The following USP31 variants were observed in gnomAD, a reference collection of about 807,000 sequenced individuals.
USP31 encodes ubiquitin specific peptidase 31, also known as ubiquitin carboxyl-terminal hydrolase 31.
A neutral mutation model predicts 119.4 loss-of-function variants in USP31; 44 were observed. The ratio of observed to expected loss-of-function variants is 0.37; its 90% confidence interval spans 0.29 to 0.47. USP31 has a LOEUF of 0.47. USP31 is among the 20% of genes least tolerant of loss of function. USP31 has a pLI of 0.99. For missense variants in USP31, 1,643 were observed against 1,730.2 expected, an observed-to-expected ratio of 0.95 and a Z score of 0.89; for synonymous variants, 749 against 705.6, an observed-to-expected ratio of 1.06 and a Z score of -0.97.
Position 23,069,414 on chromosome 16 carries a change from C to T in USP31, c.2691G>A (p.Glu897=). The change falls in exon 16 of 16, where the codon GAG becomes GAA. Residue 897 remains glutamate (E), a synonymous_variant. Transcript: ENST00000219689. The stretch of plus-strand genomic sequence containing the variant: ...TGTCATCTGCTGCCTCCCCAATCTT[C>T]TCCAAGGTGGAAGCAGAGCTGTGAA... ...SPIHSSASTL[E]KIGEAADDKV... The T allele has an allele frequency of 6.2e-7, 1 of 1,613,924 alleles. No homozygotes were observed. The highest frequency in any genetic ancestry group is 8.5e-7 in the Non-Finnish European group (1 of 1,179,814).
chr16:23,095,561 T>C (rs188138349), intron 6 of USP31, among the ~76,000 whole-genome samples: 1 of 151,914 alleles, frequency 6.6e-6, no homozygotes, highest in Admixed American at 6.6e-5. Flanking sequence ...TTCACCAAGG[T>C]TGAAATGAAG....
rs1567237963 is a variant in USP31 at position 23,106,410 on chromosome 16, T to C, written c.849A>G (p.Gln283=). The change falls in exon 3 of 16, where the codon CAA becomes CAG. Residue 283 remains glutamine, a synonymous_variant. Coordinates refer to ENST00000219689, the MANE Select transcript of USP31 (RefSeq NM_020718.4). ...VCSTFVQELF[Q]AQYRSSLTCP... is the part of the protein sequence containing the mutation. ...CGATTTTCTCATACCTGTATTGCGC[T>C]TGAAAGAGTTCTTGTACAAAAGTGC... 3 of 1,613,698 alleles carry C rather than the reference T, an allele frequency of 1.9e-6. No individual in the cohort carries two copies. Among genetic ancestry groups the C allele is most frequent in the East Asian group, 2.2e-5 (1 of 44,886 alleles).
Position 23,068,349 on chromosome 16 carries a change from T to C in USP31, c.3756A>G (p.Lys1252=), listed in dbSNP as rs143276615. Reference sequence around the variant, plus strand: ...ACTTAACAGAGCTCCCACCAGCCTTTTTAGAGAGCAAGGCTGTCTTGCCAA... The same window carrying C: ...ACTTAACAGAGCTCCCACCAGCCTTCTTAGAGAGCAAGGCTGTCTTGCCAA... ...TDLGKTALLS[K]KAGGSSVKSV... is the part of the protein sequence containing the mutation. Residue 1252 remains lysine, a synonymous_variant, in exon 16 of 16, where the codon AAA becomes AAG. Transcript: ENST00000219689. The C allele has an allele frequency of 7.4e-6, 12 of 1,614,060 alleles. No homozygotes were observed. The African/African-American group carries it at 1.2e-4, about 16-fold the overall frequency.
rs1899928513 is a variant in USP31 at position 23,063,358 on chromosome 16, T to C, written c.*4688A>G. 1 of 152,524 alleles carries C rather than the reference T, an allele frequency of 6.6e-6. No individual in the cohort carries two copies. Among genetic ancestry groups the C allele is most frequent in the Non-Finnish European group, 1.5e-5 (1 of 68,040 alleles). The allele number at this position is 152,524 out of a possible 1,614,324, so 9.4% of individuals were successfully genotyped here. ...TGGGAAGCCCCAAAGCTTTTCAAAA[T>C]AGCTCTAAGTCTCTATAAAAGCATC... On this transcript the variant is annotated 3_prime_UTR_variant, in exon 16 of 16. Coordinates refer to ENST00000219689, the MANE Select transcript of USP31 (RefSeq NM_020718.4).
intron 6 of USP31, among the ~76,000 whole-genome samples, chr16:23,099,774 T>A (rs1031162931): frequency 6.6e-6 from 1 of 152,158 alleles, no homozygotes; most frequent in African/African-American, 2.4e-5. Flanking sequence ...TATTTGCAAA[T>A]CATATATCTG....
intron 1 of USP31, among the ~76,000 whole-genome samples, chr16:23,145,375 G>A (rs1055035786): frequency 2.6e-5 from 4 of 152,114 alleles, no homozygotes; most frequent in Non-Finnish European, 5.9e-5. Context: ...CGCTGTCTCA[G>A]GGAACTTCCT....
At chr16:23,103,685 C>A (rs1901975423) in intron 5 of USP31, among the ~76,000 whole-genome samples, 1 of 152,190 alleles carries the variant, frequency 6.6e-6, no homozygotes. Context: ...GAGGCCAAGA[C>A]AGAAGGACTG....
chr16:23,083,694 GC>G (rs1249200747), intron 11 of USP31, among the ~76,000 whole-genome samples: 33 of 76,660 alleles, frequency 4.3e-4, no homozygotes, highest in African/African-American at 8.3e-4. Context: ...TGCAAACCTG[GC>G]GGGGGGGGGG....
At chr16:23,087,598 A>C in intron 8 of USP31, 126 bp downstream of exon 8, 3 of 862,436 alleles carry the variant, frequency 3.5e-6, no homozygotes, top group Non-Finnish European at 5.3e-6. Context: ...TAGCTCTTTC[A>C]TAAAATGAGG....
intron 1 of USP31, among the ~76,000 whole-genome samples, chr16:23,132,377 A>C (rs933266690): frequency 2.0e-5 from 3 of 150,684 alleles, no homozygotes; most frequent in African/African-American, 7.3e-5. Flanking sequence ...TGTTTTCCAG[A>C]GTCTTTACTA....
chr16:23,134,686 A>T (rs1035700203), intron 1 of USP31, among the ~76,000 whole-genome samples: 1 of 151,758 alleles, frequency 6.6e-6, no homozygotes, highest in Non-Finnish European at 1.5e-5. Context: ...AAAAAAAAAA[A>T]AAAAGAAAGA....
chr16:23,082,154 C>A (rs556502909), intron 12 of USP31, among the ~76,000 whole-genome samples: 31 of 152,306 alleles, frequency 2.0e-4, no homozygotes, highest in Non-Finnish European at 3.5e-4. Flanking sequence ...CAGAAAGGAT[C>A]TCTACTTAGT....
In USP31 at chr16:23,080,022, C is replaced by G. The variant is rs754822621; in HGVS notation, c.2100G>C (p.Arg700Ser). Residue 700 changes from arginine (R) to serine (S), a missense_variant, in exon 13 of 16, where the codon AGG becomes AGC. Physicochemically the swap from Arg to Ser is moderately radical, Grantham distance 110. Coordinates refer to ENST00000219689, the MANE Select transcript of USP31 (RefSeq NM_020718.4). The part of the protein sequence containing the change: ...SPWRRPYGLG[R>S]DPEDYIYDLY... ...GGTCATAGATGTAGTCCTCAGGGTCCCTCCCGAGTCCATAGGGCCGTCTCC... is the reference window on the plus strand; with the variant it reads ...GGTCATAGATGTAGTCCTCAGGGTCGCTCCCGAGTCCATAGGGCCGTCTCC... 6.2e-7 allele frequency: 1 copy of G among 1,614,028 alleles called. No homozygotes were observed. The highest frequency in any genetic ancestry group is 2.2e-5 in the East Asian group (1 of 44,868).
chr16:23,061,596 C>T lies in USP31; in HGVS notation c.*6450G>A, dbSNP rs947974870. ...AAACATACAAATAAATAACAGAAAT[C>T]AGTGACACATCTCATGCACTTGTTC... On this transcript the variant is annotated 3_prime_UTR_variant, in exon 16 of 16. Coordinates refer to ENST00000219689, the MANE Select transcript of USP31 (RefSeq NM_020718.4). 1 of 152,630 alleles carries T rather than the reference C, an allele frequency of 6.6e-6. No individual in the cohort carries two copies. Among genetic ancestry groups the T allele is most frequent in the African/African-American group, 2.4e-5 (1 of 41,444 alleles). 9.5% of individuals were successfully genotyped at this position (152,630 alleles called of 1,614,324 possible). A position where few individuals can be genotyped will look rare whatever the true frequency, so the allele number is the denominator to read the frequency against.
intron 1 of USP31, among the ~76,000 whole-genome samples, chr16:23,111,107 G>A (rs959249064): frequency 1.1e-4 from 17 of 152,082 alleles, no homozygotes; most frequent in Non-Finnish European, 2.1e-4. Flanking sequence ...CAGCCTGGAC[G>A]ACAGAGCGAG....
At chr16:23,132,965 A>T (rs1433452567) in intron 1 of USP31, among the ~76,000 whole-genome samples, 2 of 152,208 alleles carry the variant, frequency 1.3e-5, no homozygotes, top group African/African-American at 4.8e-5. Flanking sequence ...ACATTTTTAT[A>T]AGCTCAAAAG....
rs1159895146 is a variant in USP31, at chr16:23,108,140, T to C, written c.677A>G (p.Gln226Arg). The change falls in exon 2 of 16, where the codon CAA becomes CGA. Residue 226 changes from glutamine (Q) to arginine (R), a missense_variant. Physicochemically the swap from Gln to Arg is conservative, Grantham distance 43 (BLOSUM62 1). This residue lies in a region of USP31 where 144 missense variants were observed against 218.0 expected (regional missense o/e 0.66). Coordinates refer to ENST00000219689, the MANE Select transcript of USP31 (RefSeq NM_020718.4). ...KNALQYRGNS[Q>R]HDAQEFLLWL... ...CAGCAGAAACTCCTGGGCATCATGT[T>C]GGGAATTTCCCCGGTACTGCAGTGC... The C allele has an allele frequency of 6.2e-7, 1 of 1,614,036 alleles. No homozygotes were observed. Among genetic ancestry groups the C allele is most frequent in the Non-Finnish European group, 8.5e-7 (1 of 1,179,946 alleles).
At chr16:23,085,463 C>T (rs1461910667) in intron 10 of USP31, 122 bp downstream of exon 10, 2 of 889,416 alleles carry the variant, frequency 2.2e-6, no homozygotes, top group Non-Finnish European at 3.5e-6. Flanking sequence ...AACAACACAC[C>T]TGGATACTTA....
Position 23,069,244 on chromosome 16 carries a change from T to A in USP31, c.2861A>T (p.Asp954Val), listed in dbSNP as rs763450737. ...VMEGVFKDES[D>V]TRRLNSSVVD... Reference sequence around the variant, plus strand: ...GACACTGGAGTTCAATCTGCGGGTGTCCGATTCGTCTTTGAACACGCCTTC... The same window carrying A: ...GACACTGGAGTTCAATCTGCGGGTGACCGATTCGTCTTTGAACACGCCTTC... Residue 954 changes from aspartate (D) to valine (V), a missense_variant, in exon 16 of 16, where the codon GAC becomes GTC. By Grantham distance (152) the Asp-to-Val change is radical. Transcript: ENST00000219689. 1.4e-5 allele frequency: 22 copies of A among 1,614,036 alleles called. No homozygotes were observed. Among genetic ancestry groups the A allele is most frequent in the Non-Finnish European group, 1.8e-5 (21 of 1,180,018 alleles).
Sources: allele counts gnomAD v4.1 joint callset (sites outside exome capture counted in the v4.1 genomes callset), GRCh38; gene constraint gnomAD v4.1.1; regional missense constraint gnomAD v4.1.1; transcripts MANE v1.5; gene names NCBI Gene and HGNC (gene_info 2026-07-23, HGNC 2026-07-21).